B3GALT1: variants seen among roughly 807,000 people sequenced by gnomAD.
B3GALT1 encodes beta-1,3-galactosyltransferase 1.
In B3GALT1, 10 loss-of-function variants were observed where a neutral mutation model predicts 23.2. The ratio of observed to expected loss-of-function variants is 0.43; its 90% confidence interval spans 0.27 to 0.73. The LOEUF (loss-of-function observed/expected upper bound fraction) is 0.73. Among genes scored for constraint, B3GALT1 ranks in the 30% least tolerant of loss-of-function variants. B3GALT1 has a pLI of 0.21. For missense variants in B3GALT1, 299 were observed against 405.4 expected (o/e 0.74, Z 2.25); for synonymous variants, 156 against 141.5 (o/e 1.10, Z -0.73).
chr2:167,362,702 T>G lies in B3GALT1; in HGVS notation c.-511+69368T>G, dbSNP rs77067172. Among the ~76,000 whole-genome samples, 112 of 152,200 alleles carry G rather than the reference T, an allele frequency of 7.4e-4. 1 individual carries two copies. In the East Asian group the frequency reaches 0.018, roughly 24 times the overall value. ...TTCTGTTTCTTAATTTTTTTCCTCT[T>G]GTCTCCTTTTTTGCTCGTTTCTTAA... is the stretch of plus-strand genomic sequence containing the variant. On this transcript the variant is annotated intron_variant, in intron 1 of 4. Transcript: ENST00000392690.
At chr2:167,747,924 G>A (rs1687676614) in intron 3 of B3GALT1, among the ~76,000 whole-genome samples, 1 of 152,150 alleles carries the variant, frequency 6.6e-6, no homozygotes, top group Non-Finnish European at 1.5e-5. Flanking sequence ...CAATGGTTAA[G>A]TATTTATTTC....
intron 1 of B3GALT1, among the ~76,000 whole-genome samples, chr2:167,405,430 A>T (rs1367004613): frequency 2.0e-5 from 3 of 152,124 alleles, no homozygotes; most frequent in Admixed American, 2.0e-4. Context: ...TATTTTCCAA[A>T]TGCTATTCTT....
chr2:167,560,877 G>A (rs919477775), intron 2 of B3GALT1, among the ~76,000 whole-genome samples: 8 of 151,942 alleles, frequency 5.3e-5, no homozygotes, highest in Non-Finnish European at 1.2e-4. Context: ...ACACCCCACT[G>A]TCAACATTAG....
intron 4 of B3GALT1, among the ~76,000 whole-genome samples, chr2:167,831,245 C>G (rs1467252300): frequency 2.6e-5 from 4 of 152,162 alleles, no homozygotes; most frequent in Non-Finnish European, 5.9e-5. Flanking sequence ...ATTCAGCGCT[C>G]CCACAGTTAG....
chr2:167,378,906 A>G (rs116319278), intron 1 of B3GALT1, among the ~76,000 whole-genome samples: 85 of 152,318 alleles, frequency 5.6e-4, no homozygotes, highest in African/African-American at 1.9e-3. Context: ...TCAAGGTGCC[A>G]AAATACTTGC....
At chr2:167,432,031 G>A (rs1477407779) in intron 1 of B3GALT1, among the ~76,000 whole-genome samples, 1 of 152,158 alleles carries the variant, frequency 6.6e-6, no homozygotes, top group Admixed American at 6.5e-5. Flanking sequence ...TAGTCCTATA[G>A]GAGTATGCAG....
intron 2 of B3GALT1, among the ~76,000 whole-genome samples, chr2:167,644,551 C>T (rs1147149): frequency 0.18 from 27,809 of 151,932 alleles, 3,057 homozygotes; most frequent in South Asian, 0.28. Flanking sequence ...TAGGCTAAGG[C>T]GGGTGGATCA....
intron 2 of B3GALT1, among the ~76,000 whole-genome samples, chr2:167,491,263 C>A (rs1699704664): frequency 6.6e-6 from 1 of 152,136 alleles, no homozygotes; most frequent in South Asian, 2.1e-4. Context: ...AGGTTTCAGG[C>A]TAATGGGGCC....
intron 2 of B3GALT1, among the ~76,000 whole-genome samples, chr2:167,512,566 ATGTATATATATATG>A (rs1700027497): frequency 5.4e-5 from 5 of 92,036 alleles, no homozygotes; most frequent in Non-Finnish European, 7.4e-5. Context: ...GTATATATAT[ATGTATATATATATG>A]TATATATATA....
intron 2 of B3GALT1, among the ~76,000 whole-genome samples, chr2:167,523,574 C>T (rs1240144871): frequency 6.6e-6 from 1 of 152,038 alleles, no homozygotes; most frequent in African/African-American, 2.4e-5. Flanking sequence ...TACAGGTGTG[C>T]ACCACCATGC....
chr2:167,840,030 A>C (rs1328662760), intron 4 of B3GALT1, among the ~76,000 whole-genome samples: 3 of 152,218 alleles, frequency 2.0e-5, no homozygotes, highest in African/African-American at 7.2e-5. Flanking sequence ...AAATCAATTC[A>C]AGATGGATTA....
At chr2:167,408,807 A>C (rs10640876) in intron 1 of B3GALT1, among the ~76,000 whole-genome samples, 6 of 138,074 alleles carry the variant, frequency 4.3e-5, no homozygotes, top group South Asian at 2.2e-4. Context: ...ACAAAAAAAA[A>C]AAAAAACAAA....
intron 1 of B3GALT1, among the ~76,000 whole-genome samples, chr2:167,427,365 T>C (rs1007435187): frequency 4.2e-4 from 64 of 152,258 alleles, no homozygotes; most frequent in African/African-American, 1.5e-3. Context: ...ATTTTTGATC[T>C]TAAAAAGAAG....
chr2:167,450,028 A>C (rs1699063419), intron 1 of B3GALT1, among the ~76,000 whole-genome samples: 1 of 152,142 alleles, frequency 6.6e-6, no homozygotes, highest in African/African-American at 2.4e-5. Flanking sequence ...ATCTATATTC[A>C]TCAGCGATGT....
In B3GALT1 at chr2:167,869,122, C is replaced by T; in HGVS notation, c.83C>T (p.Pro28Leu). The change falls in exon 5 of 5, where the codon CCT becomes CTT. Residue 28 changes from proline to leucine, a missense_variant. Physicochemically the swap from Pro to Leu is moderately conservative, Grantham distance 98 (BLOSUM62 -3). Coordinates refer to ENST00000392690, the MANE Select transcript of B3GALT1 (RefSeq NM_020981.4). This position sits in a 1 kb window ranked among gnomAD's most constrained non-coding sequence, Gnocchi z 6.4. ...CTCTGGTACTTGAGTATAACTCGCC[C>T]TACTTCTTCTTACACTGGCTCCAAA... ...SALWYLSITRPTSSYTGSKPF... is the reference protein window; with the variant it reads ...SALWYLSITRLTSSYTGSKPF... 1.2e-6 allele frequency: 2 copies of T among 1,614,170 alleles called. No individual in the cohort carries two copies. Among genetic ancestry groups the T allele is most frequent in the Non-Finnish European group, 1.7e-6 (2 of 1,180,032 alleles).
intron 2 of B3GALT1, among the ~76,000 whole-genome samples, chr2:167,564,229 G>A (rs918356324): frequency 3.3e-5 from 5 of 151,376 alleles, no homozygotes; most frequent in Admixed American, 1.3e-4. Context: ...CGGACGGGGC[G>A]GCAGGGCAGA....
chr2:167,321,855 T>A (rs571161118), intron 1 of B3GALT1, among the ~76,000 whole-genome samples: 17 of 152,126 alleles, frequency 1.1e-4, no homozygotes, highest in Admixed American at 1.1e-3. Context: ...TTTTCCCAAC[T>A]CCCATTCACT....
At chr2:167,466,759 C>A (rs1250177655) in intron 1 of B3GALT1, among the ~76,000 whole-genome samples, 1 of 102,616 alleles carries the variant, frequency 9.7e-6, no homozygotes, top group Admixed American at 8.9e-5. Flanking sequence ...TTTGCCCAGG[C>A]TGGAGTGCAG....
At chr2:167,473,851 G>T (rs573241091) in intron 1 of B3GALT1, among the ~76,000 whole-genome samples, 1 of 152,124 alleles carries the variant, frequency 6.6e-6, no homozygotes, top group African/African-American at 2.4e-5. Flanking sequence ...CACATTTATT[G>T]CTTCAAGAAC....
Sources: allele counts gnomAD v4.1 joint callset (sites outside exome capture counted in the v4.1 genomes callset), GRCh38; gene constraint gnomAD v4.1.1; non-coding constraint Gnocchi (gnomAD v3.1); transcripts MANE v1.5; gene names NCBI Gene and HGNC (gene_info 2026-07-23, HGNC 2026-07-21).